Variants in MACROD2 observed in about 807,000 individuals in gnomAD.
MACROD2 encodes mono-ADP ribosylhydrolase 2.
A neutral mutation model predicts 70.4 loss-of-function variants in MACROD2; 36 were observed. That is an observed-to-expected ratio of 0.51 (90% CI 0.39 to 0.68). The LOEUF (loss-of-function observed/expected upper bound fraction) is 0.68. Among genes scored for constraint, MACROD2 ranks in the 30% least tolerant of loss-of-function variants. MACROD2 has a pLI of 0.00. For missense variants in MACROD2, 496 were observed against 538.4 expected (o/e 0.92, Z 0.78); for synonymous variants, 172 against 178.8 (o/e 0.96, Z 0.30).
chr20:14,263,368 A>G (rs1424461908), intron 3 of MACROD2, among the ~76,000 whole-genome samples: 3 of 152,232 alleles, frequency 2.0e-5, no homozygotes, highest in Non-Finnish European at 4.4e-5. Context: ...AGGAGGTAGC[A>G]TTACTAGGAG....
At chr20:15,673,786 A>G (rs2050016162) in intron 8 of MACROD2, among the ~76,000 whole-genome samples, 1 of 147,680 alleles carries the variant, frequency 6.8e-6, no homozygotes, top group South Asian at 2.2e-4. Flanking sequence ...GGGAGGAAAA[A>G]AAAAAAAAAC....
intron 2 of MACROD2, among the ~76,000 whole-genome samples, chr20:14,070,750 G>T (rs1301171632): frequency 6.6e-6 from 1 of 152,078 alleles, no homozygotes; most frequent in Non-Finnish European, 1.5e-5. Flanking sequence ...GGTACCCTTG[G>T]TGGCTTCTCT....
chr20:15,879,259 G>A (rs981042036), intron 9 of MACROD2, among the ~76,000 whole-genome samples: 2 of 152,110 alleles, frequency 1.3e-5, no homozygotes, highest in Non-Finnish European at 2.9e-5. Context: ...CTGTGCCCAT[G>A]CTTCATCAGT....
intron 8 of MACROD2, among the ~76,000 whole-genome samples, chr20:15,713,987 G>GCACACACGCACACACACA (rs1555868660): frequency 1.9e-3 from 227 of 117,772 alleles, no homozygotes; most frequent in East Asian, 6.5e-3. Flanking sequence ...ACACACATAT[G>GCACACACGCACACACACA]CACACACACA....
intron 5 of MACROD2, among the ~76,000 whole-genome samples, chr20:15,049,300 G>T (rs73093968): frequency 5.3e-5 from 8 of 151,628 alleles, no homozygotes; most frequent in Admixed American, 1.3e-4. Context: ...AGAGGGAGAA[G>T]AAGAAAGAGA....
At chr20:14,264,690 T>A (rs1001193912) in intron 3 of MACROD2, among the ~76,000 whole-genome samples, 4 of 152,066 alleles carry the variant, frequency 2.6e-5, no homozygotes, top group African/African-American at 9.7e-5. Flanking sequence ...TGGCCCTGTG[T>A]CACGTGAGGA....
At chr20:15,267,088 G>A (rs1030721189) in intron 6 of MACROD2, among the ~76,000 whole-genome samples, 2 of 152,170 alleles carry the variant, frequency 1.3e-5, no homozygotes, top group Admixed American at 6.5e-5. Flanking sequence ...AAGGACAAGA[G>A]CATGCAAGGC....
At chr20:14,346,589 C>G (rs545145523) in intron 3 of MACROD2, among the ~76,000 whole-genome samples, 1 of 152,318 alleles carries the variant, frequency 6.6e-6, no homozygotes, top group East Asian at 1.9e-4. Flanking sequence ...AACACTTTAT[C>G]CAACTTACTA....
At chr20:15,662,128 CT>C (rs1312628305) in intron 8 of MACROD2, among the ~76,000 whole-genome samples, 1 of 152,172 alleles carries the variant, frequency 6.6e-6, no homozygotes, top group Non-Finnish European at 1.5e-5. Context: ...ATCTAATTTT[CT>C]GGTTTACCCC....
At chr20:15,455,612 C>G (rs1228910739) in intron 7 of MACROD2, among the ~76,000 whole-genome samples, 1 of 152,104 alleles carries the variant, frequency 6.6e-6, no homozygotes, top group Non-Finnish European at 1.5e-5. Flanking sequence ...TGTGAAATAT[C>G]ATATGGCTTT....
intron 6 of MACROD2, among the ~76,000 whole-genome samples, chr20:15,240,463 G>T (rs1406257179): frequency 6.6e-6 from 1 of 152,106 alleles, no homozygotes; most frequent in Non-Finnish European, 1.5e-5. Flanking sequence ...CAGCTACTCA[G>T]GAGGCTGAGA....
At chr20:14,360,216 G>A (rs1159018091) in intron 3 of MACROD2, among the ~76,000 whole-genome samples, 1 of 152,046 alleles carries the variant, frequency 6.6e-6, no homozygotes, top group Admixed American at 6.5e-5. Context: ...GGTGACTATA[G>A]CTAAATAAAA....
chr20:14,670,513 C>T (rs950325158), intron 4 of MACROD2, among the ~76,000 whole-genome samples: 1 of 152,076 alleles, frequency 6.6e-6, no homozygotes, highest in African/African-American at 2.4e-5. Context: ...TACAATGTTT[C>T]GTCAGATCAG....
chr20:14,920,851 T>A (rs2074153784), intron 5 of MACROD2, among the ~76,000 whole-genome samples: 1 of 152,206 alleles, frequency 6.6e-6, no homozygotes, highest in Non-Finnish European at 1.5e-5. Flanking sequence ...TGGTAGAATA[T>A]TTAATTGAGG....
At chr20:15,450,812 G>T (rs940961997) in intron 7 of MACROD2, among the ~76,000 whole-genome samples, 1 of 152,124 alleles carries the variant, frequency 6.6e-6, no homozygotes, top group African/African-American at 2.4e-5. Context: ...GAAGCCCTTT[G>T]ACAGTTGTAC....
intron 5 of MACROD2, among the ~76,000 whole-genome samples, chr20:14,822,594 T>C (rs1408859138): frequency 1.3e-5 from 2 of 152,106 alleles, no homozygotes; most frequent in African/African-American, 4.8e-5. Context: ...TCCTGGTAGG[T>C]TTAACTTTCA....
intron 3 of MACROD2, chr20:14,327,234 G>A (rs1311218163): frequency 1.9e-6 from 3 of 1,613,696 alleles, no homozygotes; most frequent in Non-Finnish European, 2.5e-6. Context: ...AACTGTTGTG[G>A]TATAGGTATA....
At chr20:15,804,692 G>T (rs1195008536) in intron 8 of MACROD2, among the ~76,000 whole-genome samples, 1 of 152,154 alleles carries the variant, frequency 6.6e-6, no homozygotes, top group Non-Finnish European at 1.5e-5. Context: ...TCTGTCTGGA[G>T]AAATGTGTCA....
At chr20:14,121,034 A>G (rs2054582242) in intron 3 of MACROD2, among the ~76,000 whole-genome samples, 2 of 152,182 alleles carry the variant, frequency 1.3e-5, no homozygotes, top group South Asian at 4.2e-4. Context: ...TTAGAAGGAA[A>G]AAACAGTATT....
Sources: gnomAD v4.1 joint callset for allele counts (sites outside exome capture counted in the v4.1 genomes callset) on GRCh38, gnomAD v4.1.1 for gene constraint, MANE v1.5 for transcripts, NCBI Gene and HGNC (gene_info 2026-07-23, HGNC 2026-07-21) for gene names.